The following SHISA6 variants were observed in gnomAD, a reference collection of about 807,000 sequenced individuals.
The protein encoded by SHISA6 is shisa family member 6, also known as protein shisa-6.
In SHISA6, 22 loss-of-function variants were observed where a neutral mutation model predicts 47.9. The ratio of observed to expected loss-of-function variants is 0.46; its 90% confidence interval spans 0.33 to 0.66. SHISA6 has a LOEUF of 0.66. SHISA6 is among the 30% of genes least tolerant of loss of function. SHISA6 has a pLI of 0.02. For missense variants in SHISA6, 680 were observed against 764.6 expected, an observed-to-expected ratio of 0.89 and a Z score of 1.30; for synonymous variants, 388 against 337.8, an observed-to-expected ratio of 1.15 and a Z score of -1.63.
intron 2 of SHISA6, among the ~76,000 whole-genome samples, chr17:11,333,732 C>T (rs1911216952): frequency 6.6e-6 from 1 of 152,082 alleles, no homozygotes; most frequent in Non-Finnish European, 1.5e-5. Context: ...CCAGGCTGGT[C>T]TCAAACTCCT....
At chr17:11,363,817 T>C (rs893870938) in intron 2 of SHISA6, among the ~76,000 whole-genome samples, 1 of 152,182 alleles carries the variant, frequency 6.6e-6, no homozygotes, top group African/African-American at 2.4e-5. Flanking sequence ...TCCATGGCAA[T>C]GACCTGGAAG....
At chr17:11,252,672 G>A (rs991698880) in intron 1 of SHISA6, among the ~76,000 whole-genome samples, 1 of 152,182 alleles carries the variant, frequency 6.6e-6, no homozygotes, top group African/African-American at 2.4e-5. Flanking sequence ...CTCAGTCCTA[G>A]GATCAGGCTC....
intron 3 of SHISA6, among the ~76,000 whole-genome samples, chr17:11,458,036 G>C (rs1415122386): frequency 6.9e-6 from 1 of 144,488 alleles, no homozygotes; most frequent in Non-Finnish European, 1.5e-5. Flanking sequence ...AGTGAGCCGA[G>C]ATCACGCCAC....
intron 2 of SHISA6, among the ~76,000 whole-genome samples, chr17:11,291,933 G>A (rs1287265180): frequency 6.6e-6 from 1 of 152,038 alleles, no homozygotes; most frequent in African/African-American, 2.4e-5. Flanking sequence ...CTATATTTAT[G>A]GTACTGTTCT....
intron 1 of SHISA6, among the ~76,000 whole-genome samples, chr17:11,250,025 G>A (rs9916424): frequency 0.085 from 12,943 of 152,274 alleles, 566 homozygotes; most frequent in East Asian, 0.18. Flanking sequence ...TGCTTTATCC[G>A]TGTGTCAGGC....
intron 2 of SHISA6, among the ~76,000 whole-genome samples, chr17:11,367,777 G>A (rs183467977): frequency 4.6e-5 from 7 of 152,294 alleles, no homozygotes; most frequent in African/African-American, 1.4e-4. Flanking sequence ...TGGATAAGGA[G>A]GCAAGGAAGG....
chr17:11,402,616 T>G (rs1389695830), intron 3 of SHISA6, among the ~76,000 whole-genome samples: 1 of 152,248 alleles, frequency 6.6e-6, no homozygotes, highest in East Asian at 1.9e-4. Context: ...AAAATGGCTC[T>G]TAAATGTTTT....
chr17:11,515,365 G>GAAGGAAGGAAGT (rs1199477547), intron 3 of SHISA6, among the ~76,000 whole-genome samples: 1 of 145,338 alleles, frequency 6.9e-6, no homozygotes, highest in Non-Finnish European at 1.5e-5. Context: ...AGGAAGGAAG[G>GAAGGAAGGAAGT]GAGAGAAAAT....
At chr17:11,331,652 C>G (rs1209396355) in intron 2 of SHISA6, among the ~76,000 whole-genome samples, 1 of 152,034 alleles carries the variant, frequency 6.6e-6, no homozygotes, top group Non-Finnish European at 1.5e-5. Context: ...ACTCCCTTTG[C>G]TCTCTCTCTC....
intron 2 of SHISA6, among the ~76,000 whole-genome samples, chr17:11,312,928 G>A (rs1008610614): frequency 6.6e-5 from 10 of 152,088 alleles, no homozygotes; most frequent in South Asian, 6.2e-4. Flanking sequence ...AGGTAAAGGC[G>A]TTGATGTGCT....
chr17:11,262,686 G>A (rs1022687366), intron 1 of SHISA6, among the ~76,000 whole-genome samples: 1 of 152,196 alleles, frequency 6.6e-6, no homozygotes, highest in African/African-American at 2.4e-5. Flanking sequence ...CCTCTTGCAG[G>A]GGGGCGGGTC....
intron 3 of SHISA6, among the ~76,000 whole-genome samples, chr17:11,468,320 T>C (rs2969232): frequency 0.091 from 13,857 of 151,922 alleles, 921 homozygotes; most frequent in African/African-American, 0.18. Flanking sequence ...TTTCTGGGTA[T>C]CTTAGCTGAG....
chr17:11,446,896 A>G (rs1226925464), intron 3 of SHISA6, among the ~76,000 whole-genome samples: 1 of 152,224 alleles, frequency 6.6e-6, no homozygotes, highest in Non-Finnish European at 1.5e-5. Context: ...AGCCAGCAAG[A>G]TAGGGCTTAT....
chr17:11,306,898 T>C (rs73295440), intron 2 of SHISA6, among the ~76,000 whole-genome samples: 377 of 152,252 alleles, frequency 2.5e-3, no homozygotes, highest in Middle Eastern at 0.01. Context: ...AAACCAGCCG[T>C]AGGAGTTGGT....
intron 3 of SHISA6, among the ~76,000 whole-genome samples, chr17:11,397,239 G>C (rs1913598844): frequency 6.6e-6 from 1 of 151,764 alleles, no homozygotes; most frequent in South Asian, 2.1e-4. Flanking sequence ...AATTTTATTG[G>C]TATTTCTTAA....
chr17:11,297,410 G>T (rs1489154583), intron 2 of SHISA6, among the ~76,000 whole-genome samples: 1 of 152,144 alleles, frequency 6.6e-6, no homozygotes, highest in East Asian at 1.9e-4. Flanking sequence ...ACACGAGGTT[G>T]TTCACGAAGT....
At chr17:11,425,667 G>A (rs902068107) in intron 3 of SHISA6, among the ~76,000 whole-genome samples, 1 of 152,100 alleles carries the variant, frequency 6.6e-6, no homozygotes, top group African/African-American at 2.4e-5. Context: ...GGCAACACTA[G>A]ATTTGGACCT....
At chr17:11,379,740 A>G (rs1442376707) in intron 3 of SHISA6, 5 of 380,892 alleles carry the variant, frequency 1.3e-5, no homozygotes, top group South Asian at 3.3e-5. Flanking sequence ...CACTCCACCC[A>G]TGGCGGGGAC....
chr17:11,345,589 C>T (rs1189263482), intron 2 of SHISA6, among the ~76,000 whole-genome samples: 1 of 152,056 alleles, frequency 6.6e-6, no homozygotes, highest in African/African-American at 2.4e-5. Flanking sequence ...ACAATATTGT[C>T]TTCCAATCCA....
Sources: allele counts gnomAD v4.1 joint callset (sites outside exome capture counted in the v4.1 genomes callset), GRCh38; gene constraint gnomAD v4.1.1; transcripts MANE v1.5; gene names NCBI Gene and HGNC (gene_info 2026-07-23, HGNC 2026-07-21).